The following TMEM132B variants were observed in gnomAD, a reference collection of about 807,000 sequenced individuals.
TMEM132B encodes the protein transmembrane protein 132B.
Under a neutral mutation model 90.8 loss-of-function variants are expected in TMEM132B, and 18 were observed. That is an observed-to-expected ratio of 0.20 (90% CI 0.14 to 0.29). The LOEUF (loss-of-function observed/expected upper bound fraction) is 0.29, where lower values mean the gene tolerates loss of function less well. TMEM132B is among the 10% of genes least tolerant of loss of function. TMEM132B has a pLI of 1.00. For synonymous variants in TMEM132B, 504 were observed against 523.3 expected, an observed-to-expected ratio of 0.96 and a Z score of 0.50; for missense variants, 1,096 against 1,326.8, an observed-to-expected ratio of 0.83 and a Z score of 2.70.
intron 1 of TMEM132B, among the ~76,000 whole-genome samples, chr12:125,250,137 C>T (rs923503152): frequency 2.0e-5 from 3 of 152,364 alleles, no homozygotes; most frequent in African/African-American, 2.4e-5. Flanking sequence ...CCCACAGCAG[C>T]GTCACAGCAG....
intron 1 of TMEM132B, among the ~76,000 whole-genome samples, chr12:125,317,276 G>C (rs1593082022): frequency 6.6e-6 from 1 of 152,270 alleles, no homozygotes; most frequent in East Asian, 1.9e-4. Flanking sequence ...ACCTGGCCTG[G>C]AGTGCGCACC....
chr12:125,326,517 A>C, intron 1 of TMEM132B: 3 of 1,299,922 alleles, frequency 2.3e-6, no homozygotes, highest in Non-Finnish European at 3.2e-6. Context: ...TATAGTAAAC[A>C]TCGGCTTAAT....
intron 3 of TMEM132B, among the ~76,000 whole-genome samples, chr12:125,515,803 A>C (rs752335725): frequency 7.6e-5 from 11 of 144,898 alleles, no homozygotes; most frequent in Admixed American, 1.5e-4. Context: ...TCACACAAAT[A>C]CACATTCTAT....
chr12:125,406,657 C>T lies in TMEM132B; in HGVS notation c.960-8874C>T, dbSNP rs1166072261. 5.3e-5 allele frequency among the ~76,000 whole-genome samples: 8 copies of T among 152,078 alleles called. No homozygotes were observed. Among genetic ancestry groups the T allele is most frequent in the South Asian group, 2.1e-4 (1 of 4,826 alleles). ...CTTGATGGCGTGAGTTCTAATTGCACGCTTCCTTCTCCAACCCCCGCCCAT... is the reference window on the plus strand; with the variant it reads ...CTTGATGGCGTGAGTTCTAATTGCATGCTTCCTTCTCCAACCCCCGCCCAT... On this transcript the variant is annotated intron_variant, in intron 2 of 8. Transcript: ENST00000682704. The surrounding 1 kb of genome is among the most constrained non-coding windows in gnomAD (Gnocchi z 8.3).
intron 2 of TMEM132B, among the ~76,000 whole-genome samples, chr12:125,368,874 G>T (rs1241386357): frequency 6.6e-6 from 1 of 152,050 alleles, no homozygotes; most frequent in Admixed American, 6.5e-5. Context: ...TTCCTGTCAT[G>T]ATTTTTTTAA....
Position 125,644,177 on chromosome 12 carries a change from C to A in TMEM132B, c.1539C>A (p.Phe513Leu), listed in dbSNP as rs770207028. ...CCCACCAGCACTTCACCTCCCAGTT[C>A]GAGGTCACTGTCTGGGCACCCAGGC... is the stretch of plus-strand genomic sequence containing the variant. ...NFTHQHFTSQFEVTVWAPRLP... is the reference protein window; with the variant it reads ...NFTHQHFTSQLEVTVWAPRLP... The change falls in exon 6 of 9, where the codon TTC becomes TTA. Residue 513 changes from phenylalanine to leucine, a missense_variant. Physicochemically the swap from Phe to Leu is conservative, Grantham distance 22. Transcript: ENST00000682704. The A allele has an allele frequency of 6.2e-7, 1 of 1,614,216 alleles. No homozygotes were observed. The highest frequency in any genetic ancestry group is 2.2e-5 in the East Asian group (1 of 44,884).
intron 1 of TMEM132B, among the ~76,000 whole-genome samples, chr12:125,332,022 C>T (rs569864312): frequency 2.0e-5 from 3 of 152,036 alleles, no homozygotes; most frequent in Admixed American, 6.5e-5. Context: ...GGATTACAGA[C>T]GTGAGCCACT....
rs372227889 is a variant in TMEM132B at position 125,622,538 on chromosome 12, A to G, written c.1438-21538A>G. 9 of 984,564 alleles carry G rather than the reference A, an allele frequency of 9.1e-6. No homozygotes were observed. The African/African-American group carries it at 1.2e-4, about 13-fold the overall frequency. The allele number at this position is 984,564 out of a possible 1,614,324, so 61.0% of individuals were successfully genotyped here. ...AGATCCTGCAGACTGCGTGGAGGCC[A>G]TGCTTTCACATCAAGCCTTCCTCGG... On this transcript the variant is annotated intron_variant, in intron 5 of 8. Coordinates refer to ENST00000682704, the MANE Select transcript of TMEM132B (RefSeq NM_001366854.1).
intron 5 of TMEM132B, chr12:125,587,752 TA>T (rs1337687591): frequency 5.9e-5 from 9 of 152,182 alleles, no homozygotes; most frequent in African/African-American, 2.2e-4. Flanking sequence ...CTCCAGTCTC[TA>T]AAAATAAATA....
chr12:125,522,205 T>G (rs1432608644), intron 4 of TMEM132B, among the ~76,000 whole-genome samples: 11 of 152,220 alleles, frequency 7.2e-5, no homozygotes, highest in Non-Finnish European at 1.6e-4. Context: ...CTATTTTCAC[T>G]TATTTGTCCT....
intron 1 of TMEM132B, among the ~76,000 whole-genome samples, chr12:125,348,672 A>G (rs1256022018): frequency 6.6e-6 from 1 of 152,164 alleles, no homozygotes; most frequent in Non-Finnish European, 1.5e-5. Context: ...CCTTGCGGCA[A>G]CCCAGTAAGG....
intron 1 of TMEM132B, among the ~76,000 whole-genome samples, chr12:125,235,374 A>G (rs2136086526): frequency 6.6e-6 from 1 of 151,086 alleles, no homozygotes; most frequent in Admixed American, 6.6e-5. Flanking sequence ...AGCTGCTGTC[A>G]TCTCTCCCTC....
chr12:125,238,366 CAAAAAAAAAACAAAAAAAAACCA>C (rs1355576592), intron 1 of TMEM132B, among the ~76,000 whole-genome samples: 2 of 111,584 alleles, frequency 1.8e-5, no homozygotes, highest in African/African-American at 7.2e-5. Context: ...AAAAAAAAAC[CAAAAAAAAAACAAAAAAAAACCA>C]AAAAAACAAA....
At chr12:125,488,838 G>A (rs534197892) in intron 3 of TMEM132B, among the ~76,000 whole-genome samples, 1 of 152,334 alleles carries the variant, frequency 6.6e-6, no homozygotes, top group African/African-American at 2.4e-5. Context: ...ATGGTTGACT[G>A]TGGTTTTCAG....
chr12:125,382,120 A>AACTCTAACTTACAAGG (rs1262144918), intron 2 of TMEM132B, among the ~76,000 whole-genome samples: 2 of 152,208 alleles, frequency 1.3e-5, no homozygotes, highest in Non-Finnish European at 2.9e-5. Flanking sequence ...GCACACAGGT[A>AACTCTAACTTACAAGG]ACTCTAACTT....
intron 5 of TMEM132B, among the ~76,000 whole-genome samples, chr12:125,643,716 A>G (rs1487982561): frequency 6.6e-6 from 1 of 152,206 alleles, no homozygotes; most frequent in Non-Finnish European, 1.5e-5. Flanking sequence ...ATATGGTGCA[A>G]GAGTGAACTA....
chr12:125,330,593 A>T (rs1876738260), intron 1 of TMEM132B, among the ~76,000 whole-genome samples: 1 of 152,210 alleles, frequency 6.6e-6, no homozygotes, highest in South Asian at 2.1e-4. Context: ...AATGGCAAAG[A>T]TTTTTTAAAA....
intron 3 of TMEM132B, among the ~76,000 whole-genome samples, chr12:125,436,551 G>A (rs1880710935): frequency 6.6e-6 from 1 of 152,174 alleles, no homozygotes; most frequent in African/African-American, 2.4e-5. Context: ...AAGGCAGAGG[G>A]CGTGATGCAT....
At chr12:125,523,026 C>A (rs1221464290) in intron 4 of TMEM132B, among the ~76,000 whole-genome samples, 1 of 152,154 alleles carries the variant, frequency 6.6e-6, no homozygotes, top group Non-Finnish European at 1.5e-5. Context: ...GTTTTGCTTG[C>A]TGGATGTTTT....
Sources: allele counts gnomAD v4.1 joint callset (sites outside exome capture counted in the v4.1 genomes callset), GRCh38; gene constraint gnomAD v4.1.1; non-coding constraint Gnocchi (gnomAD v3.1); transcripts MANE v1.5; gene names NCBI Gene and HGNC (gene_info 2026-07-23, HGNC 2026-07-21).